ARPC5L: variants seen among roughly 807,000 people sequenced by gnomAD.
The protein encoded by ARPC5L is actin related protein 2/3 complex subunit 5 like.
In ARPC5L, 4 loss-of-function variants were observed where a neutral mutation model predicts 16.9. The observed-to-expected ratio is 0.24, with a 90% CI of 0.12 to 0.54. ARPC5L has a LOEUF of 0.54. Among genes scored for constraint, ARPC5L ranks in the 20% least tolerant of loss-of-function variants. The pLI is 0.95. For missense variants in ARPC5L, 151 were observed against 201.9 expected (o/e 0.75, Z 1.53); for synonymous variants, 78 against 82.6 (o/e 0.94, Z 0.30).
chr9:124,875,356 C>T (rs958581719), intron 5 of ARPC5L, among the ~76,000 whole-genome samples: 4 of 152,204 alleles, frequency 2.6e-5, no homozygotes, highest in African/African-American at 9.6e-5. Context: ...ATTGCAGTTA[C>T]TTTTTTGCTT....
chr9:124,874,646 C>T (rs1829405694), intron 4 of ARPC5L, among the ~76,000 whole-genome samples: 1 of 152,184 alleles, frequency 6.6e-6, no homozygotes, highest in Non-Finnish European at 1.5e-5. Flanking sequence ...TGCACCACTG[C>T]ACTCTAGCTC....
rs575894890 is a variant in ARPC5L at position 124,865,197 on chromosome 9, A to G, written c.-864+1090A>G. On this transcript the variant is annotated intron_variant, in intron 2 of 5. Transcript: ENST00000353214. Reference sequence around the variant, plus strand: ...GTGGCTCACGTGGTGCACGCCTGTAATCCCAGCTACTCTGGAGGCTGAAGC... The same window carrying G: ...GTGGCTCACGTGGTGCACGCCTGTAGTCCCAGCTACTCTGGAGGCTGAAGC... Among the ~76,000 whole-genome samples the G allele has an allele frequency of 1.1e-4, 16 of 150,332 alleles. 1 individual carries two copies. In the Middle Eastern group the frequency reaches 0.01, roughly 96 times the overall value.
At chr9:124,869,835 G>GC (rs2131334087) in intron 3 of ARPC5L, among the ~76,000 whole-genome samples, 1 of 152,302 alleles carries the variant, frequency 6.6e-6, no homozygotes, top group Non-Finnish European at 1.5e-5. Flanking sequence ...TGGGTCGGCG[G>GC]CAGGGCGGAG....
In ARPC5L at chr9:124,877,701, A is replaced by AATT. The variant is rs1554765785; in HGVS notation, c.*762_*764dup. On this transcript the variant is annotated 3_prime_UTR_variant, in exon 6 of 6. Transcript: ENST00000353214. ...AATTAATTTTGGAGCTTATTTAATT[A>AATT]ATTTAATAAAGTGCCAAACATTTAA... The AATT allele has an allele frequency of 7.0e-6, 1 of 143,550 alleles. No individual in the cohort carries two copies. The highest frequency in any genetic ancestry group is 2.7e-5 in the African/African-American group (1 of 37,402). 8.9% of individuals were successfully genotyped at this position (143,550 alleles called of 1,614,324 possible).
chr9:124,873,516 C>G, intron 3 of ARPC5L, 176 bp from the exon 4 acceptor site: 1 of 663,382 alleles, frequency 1.5e-6, no homozygotes, highest in Non-Finnish European at 2.7e-6. Flanking sequence ...GCAGAGGTGC[C>G]CTGCAGCCTC....
intron 2 of ARPC5L, among the ~76,000 whole-genome samples, chr9:124,867,813 T>TTTTC (rs1829293929): frequency 6.9e-6 from 1 of 145,400 alleles, no homozygotes; most frequent in Admixed American, 6.8e-5. Flanking sequence ...CTTTTCTTTT[T>TTTTC]TTTTTTTTTT....
chr9:124,869,924 A>G (rs1309078008), intron 3 of ARPC5L, among the ~76,000 whole-genome samples: 2 of 152,204 alleles, frequency 1.3e-5, no homozygotes, highest in African/African-American at 4.8e-5. Flanking sequence ...CATGGCGTGA[A>G]GATAGGTGGG....
At chr9:124,869,519 G>C in intron 3 of ARPC5L, 80 bp downstream of exon 3, 2 of 1,395,010 alleles carry the variant, frequency 1.4e-6, no homozygotes, top group Non-Finnish European at 1.8e-6. Flanking sequence ...GGGCCCTTTC[G>C]GGCGGGCCTC....
At position 124,868,624 on chromosome 9, in the gene ARPC5L, G is replaced by A. The variant is rs765246559; in HGVS notation, c.-667G>A. 1.3e-5 allele frequency: 2 copies of A among 152,370 alleles called. No homozygotes were observed. The highest frequency in any genetic ancestry group is 3.9e-4 in the East Asian group (2 of 5,188). The allele number at this position is 152,370 out of a possible 1,614,324, so 9.4% of individuals were successfully genotyped here. A position where few individuals can be genotyped will look rare whatever the true frequency, so the allele number is the denominator to read the frequency against. On this transcript the variant is annotated 5_prime_UTR_variant, in exon 3 of 6. Coordinates refer to ENST00000353214, the MANE Select transcript of ARPC5L (RefSeq NM_030978.3). ...TGTCAGTCCCGTGATCGCACTAAACGTATTTAAAGCCCCCTACTCCTTTAA... is the reference window on the plus strand; with the variant it reads ...TGTCAGTCCCGTGATCGCACTAAACATATTTAAAGCCCCCTACTCCTTTAA...
intron 1 of ARPC5L, among the ~76,000 whole-genome samples, chr9:124,862,731 G>GC (rs1264747960): frequency 1.3e-5 from 2 of 151,886 alleles, no homozygotes; most frequent in African/African-American, 4.8e-5. Flanking sequence ...TCGCCATGTT[G>GC]CCCAGGCTGA....
chr9:124,863,546 G>A (rs1017194890), intron 1 of ARPC5L, among the ~76,000 whole-genome samples: 6 of 152,174 alleles, frequency 3.9e-5, no homozygotes, highest in African/African-American at 1.2e-4. Context: ...CCCCTTTCTT[G>A]AGTCTCAGTT....
rs1374597009 is a variant in ARPC5L, at chr9:124,873,755, A to G, written c.213A>G (p.Gln71=). 1 of 1,614,046 alleles carries G rather than the reference A, an allele frequency of 6.2e-7. No homozygotes were observed. The highest frequency in any genetic ancestry group is 2.2e-5 in the East Asian group (1 of 44,894). Residue 71 remains glutamine (Q), a synonymous_variant, in exon 4 of 6, where the codon CAA becomes CAG. Coordinates refer to ENST00000353214, the MANE Select transcript of ARPC5L (RefSeq NM_030978.3). ...LRNSPVNTKN[Q]AVKERAQGVV... The stretch of plus-strand genomic sequence containing the variant: ...ACTCTCCCGTCAACACCAAGAATCA[A>G]GCTGTGAAGGTAAAGGGGTGGCGCT...
In ARPC5L at chr9:124,877,038, A is replaced by G; in HGVS notation, c.*98A>G. 1 of 910,826 alleles carries G rather than the reference A, an allele frequency of 1.1e-6. No individual in the cohort carries two copies. The highest frequency in any genetic ancestry group is 1.7e-6 in the Non-Finnish European group (1 of 600,020). The allele number at this position is 910,826 out of a possible 1,614,324, so 56.4% of individuals were successfully genotyped here. On this transcript the variant is annotated 3_prime_UTR_variant, in exon 6 of 6. Transcript: ENST00000353214. ...TGGACCATCTTCCTAGGAACTCCCA[A>G]GTAAACTATTTCAGGACATGTATCT...
rs951468881 is a variant in ARPC5L, at chr9:124,868,981, C to T, written c.-310C>T. On this transcript the variant is annotated 5_prime_UTR_variant, in exon 3 of 6. Coordinates refer to ENST00000353214, the MANE Select transcript of ARPC5L (RefSeq NM_030978.3). ...CGGCACACACGAGGCGGGGCCTGCA[C>T]AGATGCCGGGCGCCCGATCCTCAGT... The T allele has an allele frequency of 3.6e-6, 1 of 279,002 alleles. No individual in the cohort carries two copies. 17.3% of individuals were successfully genotyped at this position (279,002 alleles called of 1,614,324 possible). A position where few individuals can be genotyped will look rare whatever the true frequency, so the allele number is the denominator to read the frequency against.
At position 124,877,311 on chromosome 9, in the gene ARPC5L, CAA is replaced by C. The variant is rs1031862577; in HGVS notation, c.*372_*373del. ...TGTGTTTTTGAAGTGGAAAAAAACC[CAA>C]GAGTTTGTACAGACATCCTGTCTTC... On this transcript the variant is annotated 3_prime_UTR_variant, in exon 6 of 6. Transcript: ENST00000353214. The C allele has an allele frequency of 1.8e-5, 4 of 220,262 alleles. No individual in the cohort carries two copies. Among genetic ancestry groups the C allele is most frequent in the Admixed American group, 5.6e-5 (1 of 17,762 alleles). The allele number at this position is 220,262 out of a possible 1,614,324, so 13.6% of individuals were successfully genotyped here. A position where few individuals can be genotyped will look rare whatever the true frequency, so the allele number is the denominator to read the frequency against.
At chr9:124,869,580 A>C in intron 3 of ARPC5L, 141 bp downstream of exon 3, 1 of 1,328,640 alleles carries the variant, frequency 7.5e-7, no homozygotes, top group Non-Finnish European at 9.7e-7. Context: ...CTCCCTGCCG[A>C]CCCGGCTTCC....
intron 2 of ARPC5L, among the ~76,000 whole-genome samples, chr9:124,866,260 C>A (rs1829269282): frequency 6.6e-6 from 1 of 150,530 alleles, no homozygotes; most frequent in Non-Finnish European, 1.5e-5. Flanking sequence ...AAAAATTAGC[C>A]AGGTGTGGTG....
At position 124,868,989 on chromosome 9, in the gene ARPC5L, G is replaced by A. The variant is rs1055728091; in HGVS notation, c.-302G>A. The stretch of plus-strand genomic sequence containing the variant: ...ACGAGGCGGGGCCTGCACAGATGCC[G>A]GGCGCCCGATCCTCAGTGACAAAAT... On this transcript the variant is annotated 5_prime_UTR_variant, in exon 3 of 6. Coordinates refer to ENST00000353214, the MANE Select transcript of ARPC5L (RefSeq NM_030978.3). 1.0e-5 allele frequency: 3 copies of A among 290,448 alleles called. No homozygotes were observed. The highest frequency in any genetic ancestry group is 6.6e-5 in the African/African-American group (3 of 45,618). The allele number at this position is 290,448 out of a possible 1,614,324, so 18.0% of individuals were successfully genotyped here.
chr9:124,864,907 A>G (rs185309826), intron 2 of ARPC5L, among the ~76,000 whole-genome samples: 16 of 152,036 alleles, frequency 1.1e-4, no homozygotes, highest in Admixed American at 9.8e-4. Context: ...TTCTGGGTCC[A>G]AAGGATTCTT....
Sources: allele counts gnomAD v4.1 joint callset (sites outside exome capture counted in the v4.1 genomes callset), GRCh38; gene constraint gnomAD v4.1.1; transcripts MANE v1.5; gene names NCBI Gene and HGNC (gene_info 2026-07-23, HGNC 2026-07-21).